The following P2RX5 variants were observed in gnomAD, a reference collection of about 807,000 sequenced individuals.
P2RX5 encodes purinergic receptor P2X 5.
In P2RX5, 46 loss-of-function variants were observed where a neutral mutation model predicts 54.1. The observed-to-expected ratio is 0.85, with a 90% confidence interval of 0.67 to 1.09. The LOEUF is 1.09. Ranked by LOEUF, P2RX5 falls within the 50% of genes least tolerant of loss-of-function variation. The pLI is 0.00. For synonymous variants in P2RX5, 226 were observed against 226.4 expected, an observed-to-expected ratio of 1.00 and a Z score of 0.02; for missense variants, 566 against 549.8, an observed-to-expected ratio of 1.03 and a Z score of -0.29.
upstream of P2RX5, among the ~76,000 whole-genome samples, chr17:3,701,032 G>A (rs1034609356): frequency 9.9e-5 from 15 of 152,004 alleles, no homozygotes; most frequent in African/African-American, 3.1e-4. Context: ...TCCACATCAC[G>A]CTTCCCTGTA....
At chr17:3,700,292 T>C (rs1235235956), upstream of P2RX5, among the ~76,000 whole-genome samples, 3 of 152,140 alleles carry the variant, frequency 2.0e-5, no homozygotes, top group African/African-American at 7.2e-5. Flanking sequence ...CCCAGCACTT[T>C]AGGAGGCCGA....
the P2RX5 span, among the ~76,000 whole-genome samples, chr17:3,716,458 A>C: frequency 6.6e-6 from 1 of 152,230 alleles, no homozygotes; most frequent in African/African-American, 2.4e-5. Flanking sequence ...ATAGGGAGGT[A>C]CCAAAGAAAT....
chr17:3,689,388 G>A (rs1274467690), intron 7 of P2RX5, 104 bp downstream of exon 7: 3 of 1,296,548 alleles, frequency 2.3e-6, no homozygotes, highest in Non-Finnish European at 3.3e-6. Context: ...ACTTTGCAGG[G>A]CCACCCTCGC....
chr17:3,704,599 T>C, the P2RX5 span, among the ~76,000 whole-genome samples: 1 of 152,210 alleles, frequency 6.6e-6, no homozygotes, highest in Admixed American at 6.5e-5. Context: ...CCGTAATTGA[T>C]GGGTTGGTAC....
chr17:3,677,463 C>G, intron 11 of P2RX5: 1 of 985,482 alleles, frequency 1.0e-6, no homozygotes, highest in Non-Finnish European at 1.2e-6. Context: ...TGCTCCAGTC[C>G]TTTCCTGGTT....
the P2RX5 span, chr17:3,718,365 A>G: frequency 6.6e-6 from 1 of 152,362 alleles, no homozygotes; most frequent in African/African-American, 2.4e-5. Context: ...GCCATGTGAA[A>G]ATACAGCATT....
At chr17:3,704,597 G>T in the P2RX5 span, among the ~76,000 whole-genome samples, 2 of 152,244 alleles carry the variant, frequency 1.3e-5, no homozygotes, top group Non-Finnish European at 2.9e-5. Flanking sequence ...CACCGTAATT[G>T]ATGGGTTGGT....
rs2050212349 is a variant in P2RX5, at chr17:3,680,157, C to CTCCACCCT, written c.1065-374_1065-373insAGGGTGGA. Among the ~76,000 whole-genome samples, 2 of 120,176 alleles carry CTCCACCCT rather than the reference C, an allele frequency of 1.7e-5. 1 individual carries two copies. The highest frequency in any genetic ancestry group is 3.5e-5 in the Non-Finnish European group (2 of 56,432). 78.8% of individuals were successfully genotyped at this position (120,176 alleles called of 152,430 possible). A position where few individuals can be genotyped will look rare whatever the true frequency, so the allele number is the denominator to read the frequency against. On this transcript the variant is annotated intron_variant, in intron 10 of 11. Transcript: ENST00000225328. Reference sequence around the variant, plus strand: ...CATCCTCCACCCTGAGTCCTCCATCCGGTGTCCTCCACCCTGCATCCTCCA... The same window carrying CTCCACCCT: ...CATCCTCCACCCTGAGTCCTCCATCCTCCACCCTGGTGTCCTCCACCCTGCATCCTCCA...
intron 9 of P2RX5, 164 bp from the exon 10 acceptor site, chr17:3,682,142 AC>A: frequency 4.5e-6 from 3 of 668,394 alleles, no homozygotes; most frequent in Non-Finnish European, 8.2e-6. Flanking sequence ...CTTGTCCGAC[AC>A]CACAGAGCTG....
At chr17:3,694,910 G>A (rs2050713795) in intron 1 of P2RX5, among the ~76,000 whole-genome samples, 1 of 152,214 alleles carries the variant, frequency 6.6e-6, no homozygotes, top group Non-Finnish European at 1.5e-5. Flanking sequence ...GGGCTGAGTG[G>A]ATGCTAAGGG....
In P2RX5 at chr17:3,673,543, CTGAGGTGCT is replaced by C; in HGVS notation, c.*316_*324del. ...CTCTACAGGGCACTGCGGTCCTTAG[CTGAGGTGCT>C]CAAGGACTCCGGAAGGAAGTCATGT... On this transcript the variant is annotated 3_prime_UTR_variant, in exon 12 of 12. Transcript: ENST00000225328. The C allele has an allele frequency of 7.6e-7, 1 of 1,317,038 alleles. No individual in the cohort carries two copies. The highest frequency in any genetic ancestry group is 9.7e-7 in the Non-Finnish European group (1 of 1,025,866). 81.6% of individuals were successfully genotyped at this position (1,317,038 alleles called of 1,614,324 possible).
Position 3,673,376 on chromosome 17 carries a change from C to A in P2RX5, c.*492G>T. The A allele has an allele frequency of 1.9e-6, 2 of 1,031,332 alleles. No individual in the cohort carries two copies. Among genetic ancestry groups the A allele is most frequent in the Non-Finnish European group, 2.3e-6 (2 of 856,734 alleles). The allele number at this position is 1,031,332 out of a possible 1,614,324, so 63.9% of individuals were successfully genotyped here. A position where few individuals can be genotyped will look rare whatever the true frequency, so the allele number is the denominator to read the frequency against. On this transcript the variant is annotated 3_prime_UTR_variant, in exon 12 of 12. Coordinates refer to ENST00000225328, the MANE Select transcript of P2RX5 (RefSeq NM_002561.4). ...CAAACAGCTGGCAGGAAGGTGGTGTCTTTAGGAGAGAGAGTACTTGGATCC... is the reference window on the plus strand; with the variant it reads ...CAAACAGCTGGCAGGAAGGTGGTGTATTTAGGAGAGAGAGTACTTGGATCC...
At chr17:3,685,779 G>GC (rs1555569545) in intron 9 of P2RX5, among the ~76,000 whole-genome samples, 6 of 9,840 alleles carry the variant, frequency 6.1e-4, no homozygotes, top group African/African-American at 8.1e-4. Context: ...AACGTCCCCC[G>GC]CCCCCCGCCC....
intron 5 of P2RX5, 133 bp downstream of exon 5, chr17:3,690,294 C>A (rs540286909): frequency 1.8e-6 from 2 of 1,125,266 alleles, no homozygotes; most frequent in South Asian, 1.2e-5. Flanking sequence ...GGGAGGCCGT[C>A]GGGCCTCGCT....
intron 11 of P2RX5, chr17:3,676,484 C>T (rs574138004): frequency 1.0e-6 from 1 of 984,004 alleles, no homozygotes; most frequent in East Asian, 1.1e-4. Context: ...TAAGTATTAC[C>T]CAGTCAAAAT....
chr17:3,708,496 C>T, the P2RX5 span, among the ~76,000 whole-genome samples: 1 of 150,296 alleles, frequency 6.7e-6, no homozygotes, highest in Admixed American at 6.6e-5. Context: ...AAATACATGG[C>T]CTTGCCAACA....
At position 3,681,907 on chromosome 17, in the gene P2RX5, G is replaced by C; in HGVS notation, c.1053C>G (p.Tyr351Ter). ...KKREFYRDKK[Y>*]EEVRGLEDSS... Reference sequence around the variant, plus strand: ...GAAGCGGAACTGACCTCACTTCCTCGTACTTCTTGTCACGGTAAAACTCTC... The same window carrying C: ...GAAGCGGAACTGACCTCACTTCCTCCTACTTCTTGTCACGGTAAAACTCTC... Residue 351 changes from tyrosine (Y) to a stop codon, truncating the protein, a stop_gained, in exon 10 of 12, where the codon TAC (tyrosine) becomes TAG (stop). Transcript: ENST00000225328. LOFTEE classifies it high-confidence loss of function. 1 of 1,612,444 alleles carries C rather than the reference G, an allele frequency of 6.2e-7. No homozygotes were observed. The highest frequency in any genetic ancestry group is 8.5e-7 in the Non-Finnish European group (1 of 1,178,526).
the P2RX5 span, chr17:3,716,755 G>A: frequency 6.2e-7 from 1 of 1,609,812 alleles, no homozygotes; most frequent in South Asian, 1.1e-5. Flanking sequence ...AATGATGATA[G>A]GCAAAGAATG....
chr17:3,692,631 C>T (rs1214393374), intron 1 of P2RX5, among the ~76,000 whole-genome samples: 18 of 151,982 alleles, frequency 1.2e-4, no homozygotes, highest in Non-Finnish European at 2.9e-5. Flanking sequence ...CGCTTGAGCC[C>T]AGGAGTTTGA....
Sources: gnomAD v4.1 joint callset for allele counts (sites outside exome capture counted in the v4.1 genomes callset) on GRCh38, gnomAD v4.1.1 for gene constraint, MANE v1.5 for transcripts, NCBI Gene and HGNC (gene_info 2026-07-23, HGNC 2026-07-21) for gene names.